The following ASTN1 variants were observed in gnomAD, a reference collection of about 807,000 sequenced individuals.
ASTN1 encodes astrotactin 1.
Under a neutral mutation model 140.7 loss-of-function variants are expected in ASTN1, and 41 were observed. The observed-to-expected ratio is 0.29, with a 90% CI of 0.23 to 0.38. ASTN1 has a LOEUF of 0.38. Among genes scored for constraint, ASTN1 ranks in the 10% least tolerant of loss-of-function variants. The probability of loss-of-function intolerance (pLI) is 1.00; values close to 1 mark genes in which losing one functional copy is unlikely to be tolerated. For synonymous variants in ASTN1, 640 were observed against 652.2 expected (o/e 0.98, Z 0.29); for missense variants, 1,479 against 1,678.8 (o/e 0.88, Z 2.08).
At chr1:176,993,628 G>T (rs968667010) in intron 8 of ASTN1, among the ~76,000 whole-genome samples, 3 of 152,154 alleles carry the variant, frequency 2.0e-5, no homozygotes, top group African/African-American at 7.2e-5. Flanking sequence ...CCTAATCAAT[G>T]TCAGTGGAGA....
chr1:176,970,862 C>T (rs745739952), intron 8 of ASTN1, among the ~76,000 whole-genome samples: 9 of 151,662 alleles, frequency 5.9e-5, no homozygotes, highest in Non-Finnish European at 5.9e-5. Flanking sequence ...GAGCTTTTTC[C>T]GGACTTACAT....
At chr1:176,911,543 T>A (rs924424274) in intron 16 of ASTN1, among the ~76,000 whole-genome samples, 51 of 152,300 alleles carry the variant, frequency 3.3e-4, no homozygotes, top group Middle Eastern at 3.4e-3. Context: ...TTTATTTTTT[T>A]ATTTTTTTTA....
intron 1 of ASTN1, among the ~76,000 whole-genome samples, chr1:177,150,818 G>A (rs891204095): frequency 5.3e-5 from 8 of 152,056 alleles, no homozygotes; most frequent in Non-Finnish European, 2.9e-5. Flanking sequence ...GCTTATTTTT[G>A]TAAATAAAAT....
At chr1:177,070,036 T>C (rs893597330) in intron 1 of ASTN1, among the ~76,000 whole-genome samples, 6 of 152,230 alleles carry the variant, frequency 3.9e-5, no homozygotes, top group African/African-American at 1.4e-4. Flanking sequence ...AAGTAAGGTA[T>C]GTAATAATAT....
Position 176,990,267 on chromosome 1 carries a change from A to AT in ASTN1, c.1523+24523dup, listed in dbSNP as rs1206972149. Among the ~76,000 whole-genome samples the AT allele has an allele frequency of 6.9e-4, 102 of 148,880 alleles. 1 individual carries two copies. The Middle Eastern group carries it at 0.01, about 15-fold the overall frequency. On this transcript the variant is annotated intron_variant, in intron 8 of 22. Coordinates refer to ENST00000361833, the MANE Select transcript of ASTN1 (RefSeq NM_004319.3). ...GGGGTGGGTGGGGAGAAGAGGCTGGATTTTTTTTTTCCTTTTAAAATTAAA... is the reference window on the plus strand; with the variant it reads ...GGGGTGGGTGGGGAGAAGAGGCTGGATTTTTTTTTTTCCTTTTAAAATTAAA...
At chr1:176,916,843 G>A (rs1217853679) in intron 16 of ASTN1, among the ~76,000 whole-genome samples, 1 of 152,120 alleles carries the variant, frequency 6.6e-6, no homozygotes, top group East Asian at 1.9e-4. Flanking sequence ...CAAGGGACTT[G>A]AAGGTAAAAT....
At chr1:176,945,789 G>A in intron 13 of ASTN1, 137 bp downstream of exon 13, 1 of 782,576 alleles carries the variant, frequency 1.3e-6, no homozygotes, top group East Asian at 2.7e-5. Context: ...GAAGACCAAG[G>A]GTAAGAATGT....
At chr1:177,148,958 A>C (rs1423426179) in intron 1 of ASTN1, among the ~76,000 whole-genome samples, 1 of 149,592 alleles carries the variant, frequency 6.7e-6, no homozygotes, top group Non-Finnish European at 1.5e-5. Context: ...GTATGCTTAT[A>C]GGCTTAAGGA....
chr1:177,003,442 C>T (rs142805102), intron 8 of ASTN1, among the ~76,000 whole-genome samples: 1 of 152,268 alleles, frequency 6.6e-6, no homozygotes, highest in East Asian at 1.9e-4. Context: ...ATTTCAGCAA[C>T]TCTTTATGAT....
chr1:177,061,301 A>G, intron 1 of ASTN1, 36 bp from the exon 2 acceptor site: 1 of 1,447,760 alleles, frequency 6.9e-7, no homozygotes, highest in Non-Finnish European at 9.1e-7. Flanking sequence ...GGTGAGAATT[A>G]GGATGGGACC....
At chr1:176,913,225 A>G (rs1184323766) in intron 16 of ASTN1, among the ~76,000 whole-genome samples, 1 of 152,192 alleles carries the variant, frequency 6.6e-6, no homozygotes. Flanking sequence ...TGTTCTCTCC[A>G]TTACCTATTA....
intron 1 of ASTN1, among the ~76,000 whole-genome samples, chr1:177,162,191 G>C (rs1430384014): frequency 6.6e-6 from 1 of 152,170 alleles, no homozygotes. Context: ...AACTACCTTT[G>C]AGTCTATCCT....
intron 7 of ASTN1, among the ~76,000 whole-genome samples, chr1:177,017,777 G>T (rs1558034293): frequency 6.6e-6 from 1 of 152,198 alleles, no homozygotes; most frequent in Non-Finnish European, 1.5e-5. Flanking sequence ...GCAGGGTCTG[G>T]AGACAGCTGC....
chr1:176,969,079 C>T (rs971149293), intron 8 of ASTN1, among the ~76,000 whole-genome samples: 1 of 152,098 alleles, frequency 6.6e-6, no homozygotes, highest in African/African-American at 2.4e-5. Context: ...AACGGACTTA[C>T]TTGAGACCCA....
At chr1:177,060,078 G>A (rs188484011) in intron 2 of ASTN1, among the ~76,000 whole-genome samples, 88 of 152,228 alleles carry the variant, frequency 5.8e-4, no homozygotes, top group Admixed American at 1.6e-3. Context: ...AAGTATCAAC[G>A]ATGTGAATGC....
intron 16 of ASTN1, among the ~76,000 whole-genome samples, chr1:176,927,788 T>C (rs1671033760): frequency 6.6e-6 from 1 of 152,236 alleles, no homozygotes; most frequent in Non-Finnish European, 1.5e-5. Flanking sequence ...TCCTTTGTTA[T>C]CAGTTACCTC....
chr1:177,046,104 A>G (rs1025642993), intron 2 of ASTN1, among the ~76,000 whole-genome samples: 3 of 152,144 alleles, frequency 2.0e-5, no homozygotes, highest in Admixed American at 1.3e-4. Context: ...GTCAGGACCA[A>G]CACTTTTCCA....
chr1:176,869,899 G>A (rs1201702336), intron 21 of ASTN1, among the ~76,000 whole-genome samples: 1 of 152,154 alleles, frequency 6.6e-6, no homozygotes, highest in Non-Finnish European at 1.5e-5. Context: ...CAAGACTGTG[G>A]GAAAGCAGAA....
At chr1:177,053,692 C>G (rs1468398502) in intron 2 of ASTN1, among the ~76,000 whole-genome samples, 1 of 152,158 alleles carries the variant, frequency 6.6e-6, no homozygotes, top group African/African-American at 2.4e-5. Flanking sequence ...AAATTTCCCG[C>G]AAAAATGCAA....
Sources: allele counts gnomAD v4.1 joint callset (sites outside exome capture counted in the v4.1 genomes callset), GRCh38; gene constraint gnomAD v4.1.1; transcripts MANE v1.5; gene names NCBI Gene and HGNC (gene_info 2026-07-23, HGNC 2026-07-21).